Variants in STIM2 observed in about 807,000 individuals in gnomAD.
The protein encoded by STIM2 is stromal interaction molecule 2.
A neutral mutation model predicts 85.8 loss-of-function variants in STIM2; 31 were observed. The observed-to-expected ratio is 0.36, with a 90% CI of 0.27 to 0.49. The LOEUF (loss-of-function observed/expected upper bound fraction) is 0.49. Ranked by LOEUF, STIM2 falls within the 20% of genes least tolerant of loss-of-function variation. The probability of loss-of-function intolerance (pLI) is 0.98; values close to 1 mark genes in which losing one functional copy is unlikely to be tolerated. For synonymous variants in STIM2, 356 were observed against 331.1 expected, an observed-to-expected ratio of 1.08 and a Z score of -0.82; for missense variants, 841 against 927.6, an observed-to-expected ratio of 0.91 and a Z score of 1.21.
At chr4:26,961,902 C>G (rs1247534392) in intron 3 of STIM2, among the ~76,000 whole-genome samples, 2 of 152,102 alleles carry the variant, frequency 1.3e-5, no homozygotes, top group Admixed American at 1.3e-4. Flanking sequence ...CGGGCGTATA[C>G]CACCACGACT....
At chr4:26,940,409 A>C (rs1188645472) in intron 2 of STIM2, among the ~76,000 whole-genome samples, 1 of 152,080 alleles carries the variant, frequency 6.6e-6, no homozygotes, top group Non-Finnish European at 1.5e-5. Flanking sequence ...GCCTGTGCAG[A>C]TCTCCAACTC....
At chr4:26,987,443 C>A (rs1727619260) in intron 3 of STIM2, among the ~76,000 whole-genome samples, 2 of 152,132 alleles carry the variant, frequency 1.3e-5, no homozygotes, top group Admixed American at 1.3e-4. Context: ...CCCTCTGTTC[C>A]TGTGAAAATC....
chr4:26,944,200 C>T (rs1055828994), intron 2 of STIM2, among the ~76,000 whole-genome samples: 3 of 152,148 alleles, frequency 2.0e-5, no homozygotes, highest in Admixed American at 6.6e-5. Context: ...AAAAGTATCA[C>T]TTCTGTCTTT....
chr4:26,880,653 A>ATG (rs1722974990), intron 1 of STIM2, among the ~76,000 whole-genome samples: 6 of 147,244 alleles, frequency 4.1e-5, no homozygotes, highest in Non-Finnish European at 9.0e-5. Context: ...GTAAATATAT[A>ATG]TATAAATATA....
At position 27,023,443 on chromosome 4, in the gene STIM2, G is replaced by T. The variant is rs555917106; in HGVS notation, c.*447G>T. 6.5e-6 allele frequency: 1 copy of T among 152,712 alleles called. No homozygotes were observed. 9.5% of individuals were successfully genotyped at this position (152,712 alleles called of 1,614,324 possible). A position where few individuals can be genotyped will look rare whatever the true frequency, so the allele number is the denominator to read the frequency against. On this transcript the variant is annotated 3_prime_UTR_variant, in exon 12 of 12. Transcript: ENST00000467087. ...CTATATAACTTAAAAGAAGTAAAAC[G>T]TAATTGCACTACTGTTTTCCAGACT...
At chr4:27,019,542 C>T (rs1351068043) in intron 11 of STIM2, 3 of 1,231,640 alleles carry the variant, frequency 2.4e-6, no homozygotes, top group Admixed American at 2.3e-5. Flanking sequence ...ATTTCAATAG[C>T]AATGTCAAAG....
chr4:26,947,774 T>A (rs1223659772), intron 2 of STIM2, among the ~76,000 whole-genome samples: 1 of 152,196 alleles, frequency 6.6e-6, no homozygotes, highest in African/African-American at 2.4e-5. Flanking sequence ...CTGTTTCTGT[T>A]GTTTTGTTTT....
Position 26,861,269 on chromosome 4 carries a change from T to C in STIM2, c.51T>C (p.Leu17=). 1 of 1,472,946 alleles carries C rather than the reference T, an allele frequency of 6.8e-7. No individual in the cohort carries two copies. The highest frequency in any genetic ancestry group is 8.9e-7 in the Non-Finnish European group (1 of 1,117,666). The allele number at this position is 1,472,946 out of a possible 1,614,324, so 91.2% of individuals were successfully genotyped here. A position where few individuals can be genotyped will look rare whatever the true frequency, so the allele number is the denominator to read the frequency against. ...CCGGAGCGGCGGACGGATGCGAGCTTGTGCCCCGGCACCTCCGCGGGCGGC... is the reference window on the plus strand; with the variant it reads ...CCGGAGCGGCGGACGGATGCGAGCTCGTGCCCCGGCACCTCCGCGGGCGGC... The change falls in exon 1 of 12, where the codon CTT becomes CTC. Residue 17 remains leucine, a synonymous_variant. Coordinates refer to ENST00000467087, the MANE Select transcript of STIM2 (RefSeq NM_020860.4).
intron 1 of STIM2, among the ~76,000 whole-genome samples, chr4:26,903,618 T>C (rs1270671526): frequency 6.6e-6 from 1 of 152,042 alleles, no homozygotes; most frequent in East Asian, 1.9e-4. Context: ...AATAAGAAAA[T>C]GGCACAAATC....
chr4:26,981,243 G>C (rs550519635), intron 3 of STIM2, among the ~76,000 whole-genome samples: 117 of 152,296 alleles, frequency 7.7e-4, no homozygotes, highest in African/African-American at 2.8e-3. Context: ...CCCCACCTTA[G>C]AGGGTTGTGC....
chr4:26,920,045 A>C (rs1294383373), intron 2 of STIM2, among the ~76,000 whole-genome samples: 1 of 152,192 alleles, frequency 6.6e-6, no homozygotes, highest in Non-Finnish European at 1.5e-5. Context: ...GGCCGAGGTC[A>C]CTATGGAAGT....
At position 27,023,006 on chromosome 4, in the gene STIM2, C is replaced by G; in HGVS notation, c.*10C>G. On this transcript the variant is annotated 3_prime_UTR_variant, in exon 12 of 12. Coordinates refer to ENST00000467087, the MANE Select transcript of STIM2 (RefSeq NM_020860.4). The stretch of plus-strand genomic sequence containing the variant: ...GAAGAAATCTAAGTGAACTGGCTGA[C>G]TTGATGGAATCATGTTCAAGTGGCA... 4 of 1,603,688 alleles carry G rather than the reference C, an allele frequency of 2.5e-6. No homozygotes were observed. The highest frequency in any genetic ancestry group is 3.4e-6 in the Non-Finnish European group (4 of 1,177,128).
At chr4:26,873,634 C>T (rs373715901) in intron 1 of STIM2, 19 of 594,934 alleles carry the variant, frequency 3.2e-5, no homozygotes, top group East Asian at 1.8e-4. Flanking sequence ...CAGGGCACTT[C>T]CTTAGTCATA....
At chr4:26,972,669 G>A (rs190846131) in intron 3 of STIM2, among the ~76,000 whole-genome samples, 36 of 152,188 alleles carry the variant, frequency 2.4e-4, no homozygotes, top group Non-Finnish European at 4.9e-4. Flanking sequence ...TTTTTACATC[G>A]TTGTTGATCA....
intron 3 of STIM2, among the ~76,000 whole-genome samples, chr4:26,992,841 A>G (rs1484876655): frequency 6.6e-6 from 1 of 152,110 alleles, no homozygotes; most frequent in Non-Finnish European, 1.5e-5. Flanking sequence ...AGGAGAAGTG[A>G]ATCTCCCCCC....
intron 3 of STIM2, among the ~76,000 whole-genome samples, chr4:26,983,332 G>A (rs1727471862): frequency 6.6e-6 from 1 of 152,130 alleles, no homozygotes; most frequent in African/African-American, 2.4e-5. Flanking sequence ...TTTAACCATT[G>A]TGTCAGTACT....
At chr4:26,976,862 G>T (rs1057018908) in intron 3 of STIM2, among the ~76,000 whole-genome samples, 23 of 152,168 alleles carry the variant, frequency 1.5e-4, no homozygotes, top group African/African-American at 5.5e-4. Context: ...TCTAGGCTTT[G>T]GGGATAGAGC....
intron 1 of STIM2, among the ~76,000 whole-genome samples, chr4:26,904,029 C>T (rs1724028408): frequency 6.6e-6 from 1 of 151,720 alleles, no homozygotes; most frequent in Non-Finnish European, 1.5e-5. Context: ...CTGTGCCATG[C>T]TGGTGTGCTG....
intron 1 of STIM2, among the ~76,000 whole-genome samples, chr4:26,916,924 G>A (rs1245813050): frequency 6.6e-6 from 1 of 152,088 alleles, no homozygotes; most frequent in Admixed American, 6.5e-5. Flanking sequence ...GCTTTTTTGA[G>A]TATGGATACT....
Sources: gnomAD v4.1 joint callset for allele counts (sites outside exome capture counted in the v4.1 genomes callset) on GRCh38, gnomAD v4.1.1 for gene constraint, MANE v1.5 for transcripts, NCBI Gene and HGNC (gene_info 2026-07-23, HGNC 2026-07-21) for gene names.